Variants in LINGO2 observed in about 807,000 individuals in gnomAD.
The protein encoded by LINGO2 is leucine-rich repeat and immunoglobulin-like domain-containing nogo receptor-interacting protein 2.
A neutral mutation model predicts 30.6 loss-of-function variants in LINGO2; 14 were observed. The ratio of observed to expected loss-of-function variants is 0.46; its 90% confidence interval spans 0.30 to 0.72. The LOEUF (loss-of-function observed/expected upper bound fraction) is 0.72. Ranked by LOEUF, LINGO2 falls within the 30% of genes least tolerant of loss-of-function variation. The pLI, the probability that LINGO2 is intolerant of heterozygous loss-of-function variation, is 0.07. For missense variants in LINGO2, 729 were observed against 751.7 expected (o/e 0.97, Z 0.35); for synonymous variants, 317 against 288.5 (o/e 1.10, Z -1.00).
the LINGO2 span, among the ~76,000 whole-genome samples, chr9:28,813,824 C>T: frequency 6.6e-6 from 1 of 152,024 alleles, no homozygotes; most frequent in Non-Finnish European, 1.5e-5. Context: ...AAGGATCTAG[C>T]CATGCAAAGG....
chr9:28,761,690 A>C, the LINGO2 span, among the ~76,000 whole-genome samples: 1 of 152,066 alleles, frequency 6.6e-6, no homozygotes, highest in Non-Finnish European at 1.5e-5. Context: ...TGATAACCTT[A>C]TATGAGTAAA....
At chr9:28,057,594 TATATATACAC>T in intron 4 of LINGO2, among the ~76,000 whole-genome samples, 1 of 147,044 alleles carries the variant, frequency 6.8e-6, no homozygotes, top group Non-Finnish European at 1.5e-5. Flanking sequence ...TGTATATACA[TATATATACAC>T]ATATATGTAT....
At chr9:28,239,541 A>G (rs931540747) in intron 4 of LINGO2, among the ~76,000 whole-genome samples, 1 of 152,148 alleles carries the variant, frequency 6.6e-6, no homozygotes, top group Non-Finnish European at 1.5e-5. Flanking sequence ...AAAACCATAG[A>G]TCATTTCAAA....
At chr9:28,797,353 T>TAGAG in the LINGO2 span, among the ~76,000 whole-genome samples, 439 of 60,850 alleles carry the variant, frequency 7.2e-3, no homozygotes, top group Middle Eastern at 0.01. Flanking sequence ...TATATATATA[T>TAGAG]ATATATAGAG....
chr9:29,099,346 C>A, the LINGO2 span, among the ~76,000 whole-genome samples: 1 of 151,986 alleles, frequency 6.6e-6, no homozygotes, highest in African/African-American at 2.4e-5. Context: ...AGCGACATCC[C>A]ACAGACACAG....
At chr9:28,546,933 C>A (rs1250155037) in intron 1 of LINGO2, among the ~76,000 whole-genome samples, 1 of 152,018 alleles carries the variant, frequency 6.6e-6, no homozygotes, top group Non-Finnish European at 1.5e-5. Flanking sequence ...TTTAACCTTT[C>A]CCCTAAGTTG....
the LINGO2 span, among the ~76,000 whole-genome samples, chr9:29,029,972 T>C: frequency 6.6e-6 from 1 of 152,082 alleles, no homozygotes; most frequent in Non-Finnish European, 1.5e-5. Context: ...TTTGCACCAG[T>C]TGCTACAATA....
chr9:29,127,162 T>C, the LINGO2 span, among the ~76,000 whole-genome samples: 1 of 152,078 alleles, frequency 6.6e-6, no homozygotes, highest in Non-Finnish European at 1.5e-5. Context: ...CCCCAGAAAA[T>C]TCTGTAACCA....
intron 1 of LINGO2, among the ~76,000 whole-genome samples, chr9:28,622,592 A>T (rs1453638184): frequency 1.3e-5 from 2 of 151,976 alleles, no homozygotes; most frequent in African/African-American, 4.8e-5. Context: ...TTATCCATTC[A>T]TCTGTTGATG....
chr9:28,031,383 A>G (rs760146248), intron 4 of LINGO2, among the ~76,000 whole-genome samples: 14 of 151,820 alleles, frequency 9.2e-5, no homozygotes, highest in Admixed American at 4.6e-4. Context: ...TTTTTAAAAA[A>G]TTTAACATTG....
rs528304403 is a variant in LINGO2, at chr9:28,086,002, A to C, written c.-86-73597T>G. Among the ~76,000 whole-genome samples, 21 of 152,194 alleles carry C rather than the reference A, an allele frequency of 1.4e-4. No individual in the cohort carries two copies. In the South Asian group the frequency reaches 4.1e-3, roughly 30 times the overall value. On this transcript the variant is annotated intron_variant, in intron 4 of 5. Coordinates refer to ENST00000379992, the Ensembl canonical transcript of LINGO2. Reference sequence around the variant, plus strand: ...TGCATGGGTAGTATGTTTATATTAAAATAAGAGGTGTGAACAGCTGTATAA... The same window carrying C: ...TGCATGGGTAGTATGTTTATATTAACATAAGAGGTGTGAACAGCTGTATAA...
chr9:28,193,701 G>C (rs954400330), intron 4 of LINGO2, among the ~76,000 whole-genome samples: 19 of 152,184 alleles, frequency 1.2e-4, no homozygotes, highest in African/African-American at 4.6e-4. Flanking sequence ...CAACAGTGGC[G>C]TTAGTATCTC....
intron 4 of LINGO2, among the ~76,000 whole-genome samples, chr9:28,051,838 A>C (rs1012816159): frequency 1.3e-5 from 2 of 152,134 alleles, no homozygotes; most frequent in Non-Finnish European, 2.9e-5. Flanking sequence ...TCCAAATTAA[A>C]AAAACAGGAT....
the LINGO2 span, among the ~76,000 whole-genome samples, chr9:29,178,967 A>T: frequency 6.7e-6 from 1 of 150,358 alleles, no homozygotes; most frequent in African/African-American, 2.4e-5. Flanking sequence ...TCTCTAAAAT[A>T]ATTAATTAAT....
At chr9:29,037,530 C>A in the LINGO2 span, among the ~76,000 whole-genome samples, 10 of 152,070 alleles carry the variant, frequency 6.6e-5, no homozygotes, top group East Asian at 1.2e-3. Flanking sequence ...AGCGATGCCA[C>A]ACTTCATATA....
At chr9:28,244,186 C>A (rs906020551) in intron 4 of LINGO2, among the ~76,000 whole-genome samples, 1 of 152,286 alleles carries the variant, frequency 6.6e-6, no homozygotes, top group Non-Finnish European at 1.5e-5. Flanking sequence ...GAAAACCACA[C>A]AATTACATGG....
chr9:28,402,400 G>A (rs1329182615), intron 2 of LINGO2, among the ~76,000 whole-genome samples: 1 of 151,832 alleles, frequency 6.6e-6, no homozygotes, highest in Non-Finnish European at 1.5e-5. Context: ...ATAAAACATT[G>A]AAAAAAGTGA....
At chr9:28,240,122 T>C (rs1821728447) in intron 4 of LINGO2, among the ~76,000 whole-genome samples, 1 of 152,080 alleles carries the variant, frequency 6.6e-6, no homozygotes, top group Admixed American at 6.6e-5. Flanking sequence ...ATGAAAGAAA[T>C]TGAAGAGGGC....
chr9:28,668,584 C>T (rs1828893093), intron 1 of LINGO2, among the ~76,000 whole-genome samples: 1 of 151,254 alleles, frequency 6.6e-6, no homozygotes, highest in African/African-American at 2.4e-5. Context: ...TCTGAAAGTA[C>T]ATCTAAAAAC....
Sources: allele counts gnomAD v4.1 joint callset (sites outside exome capture counted in the v4.1 genomes callset), GRCh38; gene constraint gnomAD v4.1.1; transcripts MANE v1.5; gene names NCBI Gene and HGNC (gene_info 2026-07-23, HGNC 2026-07-21).